The following EIF2B3 variants were observed in gnomAD, a reference collection of about 807,000 sequenced individuals.
EIF2B3 encodes the protein eukaryotic translation initiation factor 2B subunit gamma.
In EIF2B3, 20 loss-of-function variants were observed where a neutral mutation model predicts 54.1. That is an observed-to-expected ratio of 0.37 (90% confidence interval 0.26 to 0.54). The LOEUF (loss-of-function observed/expected upper bound fraction) is 0.54. EIF2B3 is among the 20% of genes least tolerant of loss of function. The probability of loss-of-function intolerance (pLI) is 0.86; values close to 1 mark genes in which losing one functional copy is unlikely to be tolerated. For synonymous variants in EIF2B3, 153 were observed against 188.1 expected, an observed-to-expected ratio of 0.81 and a Z score of 1.52; for missense variants, 448 against 547.8, an observed-to-expected ratio of 0.82 and a Z score of 1.82.
At position 44,879,727 on chromosome 1, in the gene EIF2B3, C is replaced by A. The variant is rs573962672; in HGVS notation, c.975+91G>T. 75 of 1,432,114 alleles carry A rather than the reference C, an allele frequency of 5.2e-5. No homozygotes were observed. In the South Asian group the frequency reaches 7.8e-4, roughly 15 times the overall value. The allele number at this position is 1,432,114 out of a possible 1,614,324, so 88.7% of individuals were successfully genotyped here. A position where few individuals can be genotyped will look rare whatever the true frequency, so the allele number is the denominator to read the frequency against. On this transcript the variant is annotated intron_variant, in intron 8 of 11. Coordinates refer to ENST00000360403, the MANE Select transcript of EIF2B3 (RefSeq NM_020365.5). ...CCTTGGGAATGACAGGGATTCTTAA[C>A]AAGTTACTATGTACCTAATGAAGAA...
intron 6 of EIF2B3, among the ~76,000 whole-genome samples, chr1:44,891,747 T>G (rs1655803806): frequency 1.3e-5 from 2 of 152,170 alleles, no homozygotes; most frequent in African/African-American, 4.8e-5. Flanking sequence ...ATAACATTTG[T>G]AGGCTTCTAT....
At chr1:44,941,797 AC>A (rs1644026465) in intron 3 of EIF2B3, 132 bp from the exon 4 acceptor site, 1 of 1,072,362 alleles carries the variant, frequency 9.3e-7, no homozygotes, top group African/African-American at 1.6e-5. Flanking sequence ...TCATAGCCAA[AC>A]AAGTAAAATA....
At chr1:44,889,865 T>C (rs1655737365) in intron 6 of EIF2B3, among the ~76,000 whole-genome samples, 1 of 152,152 alleles carries the variant, frequency 6.6e-6, no homozygotes. Flanking sequence ...CAAGCTCTAA[T>C]AGACTGGGAC....
At chr1:44,949,278 G>GA (rs1239208066) in intron 3 of EIF2B3, among the ~76,000 whole-genome samples, 10 of 152,144 alleles carry the variant, frequency 6.6e-5, no homozygotes, top group South Asian at 4.1e-4. Context: ...ACAGTTACTA[G>GA]AAAGGGCAGA....
At chr1:44,942,402 TATATATATATA>T (rs1644038292) in intron 3 of EIF2B3, among the ~76,000 whole-genome samples, 3 of 20,932 alleles carry the variant, frequency 1.4e-4, no homozygotes, top group South Asian at 1.4e-3. Context: ...TATATATATA[TATATATATATA>T]TATATTTTTT....
intron 6 of EIF2B3, among the ~76,000 whole-genome samples, chr1:44,888,849 A>C (rs1655695257): frequency 6.6e-6 from 1 of 152,218 alleles, no homozygotes; most frequent in African/African-American, 2.4e-5. Context: ...TCTTCCTTCC[A>C]GGGAACAGGA....
chr1:44,874,880 C>T, intron 9 of EIF2B3, 54 bp from the exon 10 acceptor site: 1 of 1,609,436 alleles, frequency 6.2e-7, no homozygotes, highest in Non-Finnish European at 8.5e-7. Context: ...AACTGCAAAC[C>T]ACCCTCCAGA....
At chr1:44,956,645 G>A (rs1428637538) in intron 3 of EIF2B3, among the ~76,000 whole-genome samples, 1 of 152,046 alleles carries the variant, frequency 6.6e-6, no homozygotes, top group African/African-American at 2.4e-5. Flanking sequence ...ATGTATATAT[G>A]TGTGTATATA....
At chr1:44,868,531 G>A (rs1249738415) in intron 10 of EIF2B3, among the ~76,000 whole-genome samples, 2 of 139,544 alleles carry the variant, frequency 1.4e-5, no homozygotes, top group East Asian at 2.1e-4. Flanking sequence ...ATTTTGCCAT[G>A]TTACCCAGAC....
At chr1:44,898,356 G>GTC (rs374052150) in intron 5 of EIF2B3, among the ~76,000 whole-genome samples, 2 of 151,942 alleles carry the variant, frequency 1.3e-5, no homozygotes, top group East Asian at 1.9e-4. Flanking sequence ...CTATTTACTT[G>GTC]TCTCTCTCTC....
Position 44,913,261 on chromosome 1 carries a change from C to G in EIF2B3, c.566+13367G>C, listed in dbSNP as rs576474532. Among the ~76,000 whole-genome samples the G allele has an allele frequency of 2.0e-4, 31 of 152,052 alleles. No homozygotes were observed. In the East Asian group the frequency reaches 5.2e-3, roughly 26 times the overall value. Reference sequence around the variant, plus strand: ...CTTTTCTGAAATACAAAAAAACTCCCTCTGCTTCCTACGTTTTTATTTTGA... The same window carrying G: ...CTTTTCTGAAATACAAAAAAACTCCGTCTGCTTCCTACGTTTTTATTTTGA... On this transcript the variant is annotated intron_variant, in intron 5 of 11. Transcript: ENST00000360403.
chr1:44,880,051 A>T lies in EIF2B3; in HGVS notation c.785-43T>A, dbSNP rs185738610. ...AACCAAGGAAATAAATGAGAGAGAGATAACAGAACAGATACAGACTCAGTC... is the reference window on the plus strand; with the variant it reads ...AACCAAGGAAATAAATGAGAGAGAGTTAACAGAACAGATACAGACTCAGTC... On this transcript the variant is annotated intron_variant, in intron 7 of 11. Coordinates refer to ENST00000360403, the MANE Select transcript of EIF2B3 (RefSeq NM_020365.5). The T allele has an allele frequency of 7.2e-5, 115 of 1,591,760 alleles. 1 individual carries two copies. In the Admixed American group the frequency reaches 1.9e-3, roughly 26 times the overall value.
intron 3 of EIF2B3, among the ~76,000 whole-genome samples, chr1:44,960,762 T>C (rs574890882): frequency 1.3e-5 from 2 of 152,274 alleles, no homozygotes; most frequent in South Asian, 2.1e-4. Context: ...TATATGCAAA[T>C]ACCATGCCAT....
At chr1:44,976,720 A>G (rs1252090072) in intron 3 of EIF2B3, among the ~76,000 whole-genome samples, 2 of 152,264 alleles carry the variant, frequency 1.3e-5, no homozygotes, top group African/African-American at 4.8e-5. Context: ...ACTAAGCATG[A>G]AAAGGAACAG....
intron 1 of EIF2B3, among the ~76,000 whole-genome samples, chr1:44,984,892 C>T (rs1408228719): frequency 5.6e-5 from 8 of 141,758 alleles, no homozygotes; most frequent in South Asian, 2.3e-4. Flanking sequence ...CTGCAAGCTC[C>T]GCTTCCCGGG....
intron 6 of EIF2B3, among the ~76,000 whole-genome samples, chr1:44,888,491 C>A (rs1001648093): frequency 1.4e-5 from 2 of 145,772 alleles, no homozygotes; most frequent in Non-Finnish European, 2.9e-5. Context: ...CTCTCTCTCT[C>A]TCTCTCTCTC....
At chr1:44,902,873 G>C (rs1438474986) in intron 5 of EIF2B3, among the ~76,000 whole-genome samples, 1 of 133,096 alleles carries the variant, frequency 7.5e-6, no homozygotes, top group African/African-American at 2.7e-5. Context: ...TCCCAAAGAA[G>C]CGGCTGCCTG....
rs184107119 is a variant in EIF2B3 at position 44,858,917 on chromosome 1, C to T, written c.1203-1110G>A. Among the ~76,000 whole-genome samples the T allele has an allele frequency of 1.8e-3, 279 of 152,300 alleles. 1 individual carries two copies. Among genetic ancestry groups the T allele is most frequent in the African/African-American group, 6.3e-3 (262 of 41,566 alleles). On this transcript the variant is annotated intron_variant, in intron 10 of 11. Transcript: ENST00000360403. ...CTAAAAAGGATTTTTTAAAAGCCAA[C>T]TCCATTCCACATAAAAGACTACTCC...
chr1:44,873,003 A>C (rs1395581349), intron 10 of EIF2B3, among the ~76,000 whole-genome samples: 1 of 152,184 alleles, frequency 6.6e-6, no homozygotes, highest in African/African-American at 2.4e-5. Flanking sequence ...AGAGGCAATT[A>C]TTAGCATCTC....
Sources: gnomAD v4.1 joint callset for allele counts (sites outside exome capture counted in the v4.1 genomes callset) on GRCh38, gnomAD v4.1.1 for gene constraint, MANE v1.5 for transcripts, NCBI Gene and HGNC (gene_info 2026-07-23, HGNC 2026-07-21) for gene names.